UBL3: variants seen among roughly 807,000 people sequenced by gnomAD.
UBL3 encodes the protein ubiquitin-like protein 3.
In UBL3, 6 loss-of-function variants were observed where a neutral mutation model predicts 18.4. The observed-to-expected ratio is 0.33, with a 90% CI of 0.18 to 0.64. The LOEUF (loss-of-function observed/expected upper bound fraction) is 0.64. Among genes scored for constraint, UBL3 ranks in the 30% least tolerant of loss-of-function variants. The probability of loss-of-function intolerance (pLI) is 0.76; values close to 1 mark genes in which losing one functional copy is unlikely to be tolerated. For synonymous variants in UBL3, 49 were observed against 46.6 expected, an observed-to-expected ratio of 1.05 and a Z score of -0.21; for missense variants, 109 against 142.9, an observed-to-expected ratio of 0.76 and a Z score of 1.21.
rs1409109203 is a variant in UBL3, at chr13:29,850,301, G to A, written c.-763C>T. On this transcript the variant is annotated 5_prime_UTR_variant, in exon 1 of 5. Coordinates refer to ENST00000380680, the MANE Select transcript of UBL3 (RefSeq NM_007106.4). ...CGCGGGCGCCTCCGGACAGCAGCTG[G>A]GGTCGGGGCGCATCGTCTCCGGCTC... The A allele has an allele frequency of 1.3e-5, 2 of 153,010 alleles. No individual in the cohort carries two copies. Among genetic ancestry groups the A allele is most frequent in the East Asian group, 3.9e-4 (2 of 5,182 alleles). 9.5% of individuals were successfully genotyped at this position (153,010 alleles called of 1,614,324 possible). A position where few individuals can be genotyped will look rare whatever the true frequency, so the allele number is the denominator to read the frequency against.
chr13:29,828,674 C>T lies in UBL3; in HGVS notation c.27+20838G>A, dbSNP rs542638001. Among the ~76,000 whole-genome samples the T allele has an allele frequency of 3.9e-5, 6 of 152,352 alleles. No homozygotes were observed. The South Asian group carries it at 1.2e-3, about 32-fold the overall frequency. ...ATCATCTGAAGCCTTCTTCTCTCAACTCGTCAAAGTCATTCTCCGTCCAGC... is the reference window on the plus strand; with the variant it reads ...ATCATCTGAAGCCTTCTTCTCTCAATTCGTCAAAGTCATTCTCCGTCCAGC... On this transcript the variant is annotated intron_variant, in intron 1 of 4. Coordinates refer to ENST00000380680, the MANE Select transcript of UBL3 (RefSeq NM_007106.4).
At chr13:29,841,804 C>T (rs1229970656) in intron 1 of UBL3, among the ~76,000 whole-genome samples, 2 of 152,160 alleles carry the variant, frequency 1.3e-5, no homozygotes, top group Non-Finnish European at 2.9e-5. Flanking sequence ...GTTCCTTACC[C>T]TCTCTGAACC....
chr13:29,782,836 G>A (rs7319292), intron 1 of UBL3, among the ~76,000 whole-genome samples: 31,304 of 152,128 alleles, frequency 0.21, 3,474 homozygotes, highest in Non-Finnish European at 0.26. Flanking sequence ...AACTGCTTCA[G>A]GAAAGAAGCT....
chr13:29,792,819 T>C (rs755290719), intron 1 of UBL3, among the ~76,000 whole-genome samples: 2 of 152,184 alleles, frequency 1.3e-5, no homozygotes, highest in Admixed American at 6.5e-5. Flanking sequence ...CAGGGCAGCT[T>C]TGCATAACAA....
chr13:29,772,282 A>G, intron 2 of UBL3, 84 bp from the exon 3 acceptor site: 2 of 1,173,428 alleles, frequency 1.7e-6, no homozygotes, highest in Non-Finnish European at 1.2e-6. Flanking sequence ...TTCAGATCCA[A>G]ATCAGTTAGA....
At chr13:29,779,292 A>G (rs930981307) in intron 1 of UBL3, 1 of 481,666 alleles carries the variant, frequency 2.1e-6, no homozygotes. Context: ...TAACAAATAC[A>G]TATTACCCTA....
intron 1 of UBL3, among the ~76,000 whole-genome samples, chr13:29,842,134 CTTTTTTTTTTTTTTT>C: frequency 7.8e-6 from 1 of 128,052 alleles, no homozygotes; most frequent in South Asian, 2.4e-4. Flanking sequence ...CATTCTCTTT[CTTTTTTTTTTTTTTT>C]TTTTTTTTTA....
chr13:29,794,193 A>T lies in UBL3; in HGVS notation c.28-16930T>A, dbSNP rs565251773. On this transcript the variant is annotated intron_variant, in intron 1 of 4. Coordinates refer to ENST00000380680, the MANE Select transcript of UBL3 (RefSeq NM_007106.4). Reference sequence around the variant, plus strand: ...AGAATAGTCAAGATGTTAATGTTTGAACACTTACCAATACTGAAGGTATTA... The same window carrying T: ...AGAATAGTCAAGATGTTAATGTTTGTACACTTACCAATACTGAAGGTATTA... 6.6e-5 allele frequency among the ~76,000 whole-genome samples: 10 copies of T among 152,292 alleles called. 1 individual carries two copies. The South Asian group carries it at 1.9e-3, about 28-fold the overall frequency.
intron 1 of UBL3, among the ~76,000 whole-genome samples, chr13:29,815,972 T>C (rs1277366741): frequency 6.6e-6 from 1 of 152,168 alleles, no homozygotes; most frequent in Non-Finnish European, 1.5e-5. Flanking sequence ...ATCATAAATA[T>C]CATTTATCAC....
At chr13:29,806,277 T>A (rs528979479) in intron 1 of UBL3, among the ~76,000 whole-genome samples, 1 of 152,314 alleles carries the variant, frequency 6.6e-6, no homozygotes, top group East Asian at 1.9e-4. Flanking sequence ...AACTGTGCTA[T>A]AGAGAAAAAA....
intron 1 of UBL3, among the ~76,000 whole-genome samples, chr13:29,831,611 G>C (rs1025571223): frequency 1.4e-5 from 2 of 139,754 alleles, no homozygotes; most frequent in Non-Finnish European, 3.1e-5. Flanking sequence ...AAAAAAAAAA[G>C]ATAATTCTAC....
chr13:29,812,879 G>T (rs1878134194), intron 1 of UBL3, among the ~76,000 whole-genome samples: 1 of 151,862 alleles, frequency 6.6e-6, no homozygotes, highest in African/African-American at 2.4e-5. Context: ...TAATATTTTG[G>T]ATATATCAAG....
At chr13:29,781,828 T>TAAAAAAAA (rs11357100) in intron 1 of UBL3, among the ~76,000 whole-genome samples, 2 of 82,722 alleles carry the variant, frequency 2.4e-5, no homozygotes, top group Admixed American at 1.4e-4. Flanking sequence ...TACAAAAAAT[T>TAAAAAAAA]AAAAAAAAAA....
chr13:29,819,754 AT>A (rs987901243), intron 1 of UBL3, among the ~76,000 whole-genome samples: 55 of 152,284 alleles, frequency 3.6e-4, no homozygotes, highest in African/African-American at 1.3e-3. Flanking sequence ...GAGAGAAATG[AT>A]TTAGAAAGAA....
At chr13:29,770,361 G>T (rs1445457570) in intron 3 of UBL3, among the ~76,000 whole-genome samples, 1 of 151,980 alleles carries the variant, frequency 6.6e-6, no homozygotes, top group Non-Finnish European at 1.5e-5. Context: ...TGAAAAGAAG[G>T]ACAGCAACAC....
At chr13:29,784,140 T>C (rs1877247308) in intron 1 of UBL3, among the ~76,000 whole-genome samples, 1 of 152,218 alleles carries the variant, frequency 6.6e-6, no homozygotes, top group South Asian at 2.1e-4. Context: ...TTCTATTTGT[T>C]AGATAGTATC....
chr13:29,781,241 T>C (rs1274230427), intron 1 of UBL3, among the ~76,000 whole-genome samples: 1 of 152,198 alleles, frequency 6.6e-6, no homozygotes, highest in Non-Finnish European at 1.5e-5. Context: ...AGCAGAACTC[T>C]GGTTATATTT....
intron 1 of UBL3, among the ~76,000 whole-genome samples, chr13:29,798,893 T>C (rs1350518183): frequency 6.6e-6 from 1 of 152,230 alleles, no homozygotes; most frequent in African/African-American, 2.4e-5. Flanking sequence ...CTTACCACGG[T>C]CTCAGAAATT....
At chr13:29,822,920 CACACAA>C (rs1297400031) in intron 1 of UBL3, among the ~76,000 whole-genome samples, 5 of 152,242 alleles carry the variant, frequency 3.3e-5, no homozygotes, top group South Asian at 2.1e-4. Flanking sequence ...TGTATACACA[CACACAA>C]ACACAAACAC....
Sources: gnomAD v4.1 joint callset for allele counts (sites outside exome capture counted in the v4.1 genomes callset) on GRCh38, gnomAD v4.1.1 for gene constraint, MANE v1.5 for transcripts, NCBI Gene and HGNC (gene_info 2026-07-23, HGNC 2026-07-21) for gene names.